Variants in CA14 observed in about 807,000 individuals in gnomAD.
The protein encoded by CA14 is CA-XIV.
CA14 carries 44 observed loss-of-function variants against 48.8 expected under a neutral mutation model. That is an observed-to-expected ratio of 0.90 (90% CI 0.71 to 1.16). CA14 has a LOEUF of 1.16. CA14 is among the 50% of genes most tolerant of loss of function. CA14 has a pLI of 0.00. For synonymous variants in CA14, 154 were observed against 155.0 expected (o/e 0.99, Z 0.05); for missense variants, 386 against 401.0 (o/e 0.96, Z 0.32).
intron 8 of CA14, 112 bp from the exon 9 acceptor site, chr1:150,263,546 AC>A (rs1553848508): frequency 5.6e-6 from 9 of 1,610,000 alleles, no homozygotes; most frequent in East Asian, 2.2e-5. Context: ...CTGGGAACCA[AC>A]CCCCACCCCA....
Position 150,262,828 on chromosome 1 carries a change from T to C in CA14, c.520T>C (p.Tyr174His), listed in dbSNP as rs1415505464. 5 of 1,612,986 alleles carry C rather than the reference T, an allele frequency of 3.1e-6. No homozygotes were observed. Among genetic ancestry groups the C allele is most frequent in the Admixed American group, 3.3e-5 (2 of 60,002 alleles). Residue 174 changes from tyrosine to histidine, a missense_variant, in exon 6 of 11, where the codon TAT (tyrosine) becomes CAT (histidine). Physicochemically the swap from Tyr to His is moderately conservative, Grantham distance 83. Coordinates refer to ENST00000369111, the MANE Select transcript of CA14 (RefSeq NM_012113.3). ...GGTGGGTGAGACTAAGAATATAGCTTATGAACACATTCTGAGTCACTTGCA... is the reference window on the plus strand; with the variant it reads ...GGTGGGTGAGACTAAGAATATAGCTCATGAACACATTCTGAGTCACTTGCA... ...IEVGETKNIA[Y>H]EHILSHLHEV...
chr1:150,258,306 T>C (rs1241777076), intron 1 of CA14, 123 bp downstream of exon 1: 1 of 680,474 alleles, frequency 1.5e-6, no homozygotes, highest in African/African-American at 1.8e-5. Flanking sequence ...GGCTCAGAGA[T>C]GAGGAAAAAA....
At position 150,258,043 on chromosome 1, in the gene CA14, T is replaced by A. The variant is rs1650689933; in HGVS notation, c.-86T>A. 2.2e-5 allele frequency: 21 copies of A among 958,536 alleles called. No individual in the cohort carries two copies. Among genetic ancestry groups the A allele is most frequent in the Middle Eastern group, 3.3e-4 (1 of 3,014 alleles). 59.4% of individuals were successfully genotyped at this position (958,536 alleles called of 1,614,324 possible). A position where few individuals can be genotyped will look rare whatever the true frequency, so the allele number is the denominator to read the frequency against. The stretch of plus-strand genomic sequence containing the variant: ...AGCTCGCTCGCTCTCTCTCTCTCTC[T>A]CTCACTCCTCCCTCCCTCTCTCTCT... On this transcript the variant is annotated 5_prime_UTR_variant, in exon 1 of 11. Coordinates refer to ENST00000369111, the MANE Select transcript of CA14 (RefSeq NM_012113.3).
chr1:150,258,043 TC>T lies in CA14; in HGVS notation c.-85del. On this transcript the variant is annotated 5_prime_UTR_variant, in exon 1 of 11. Coordinates refer to ENST00000369111, the MANE Select transcript of CA14 (RefSeq NM_012113.3). ...AGCTCGCTCGCTCTCTCTCTCTCTC[TC>T]TCACTCCTCCCTCCCTCTCTCTCTG... 9.4e-6 allele frequency: 9 copies of T among 958,650 alleles called. No homozygotes were observed. 59.4% of individuals were successfully genotyped at this position (958,650 alleles called of 1,614,324 possible). A position where few individuals can be genotyped will look rare whatever the true frequency, so the allele number is the denominator to read the frequency against.
rs1553849043 is a variant in CA14 at position 150,264,665 on chromosome 1, T to G, written c.*6T>G. On this transcript the variant is annotated 3_prime_UTR_variant, in exon 11 of 11. Coordinates refer to ENST00000369111, the MANE Select transcript of CA14 (RefSeq NM_012113.3). ...AAGCCACGACTGAGGCATAAATTCC[T>G]TCTCAGATACCATGGATGTGGATGA... is the stretch of plus-strand genomic sequence containing the variant. 6.2e-7 allele frequency: 1 copy of G among 1,610,624 alleles called. No individual in the cohort carries two copies. The highest frequency in any genetic ancestry group is 8.5e-7 in the Non-Finnish European group (1 of 1,177,730).
In CA14 at chr1:150,261,651, G is replaced by A. The variant is rs1553847887; in HGVS notation, c.256+13G>A. ...AATGGCCACACAGGTAAAAGCACAG[G>A]CTCCAAGGAGTTGTAGGCTCCAGCT... On this transcript the variant is annotated intron_variant, in intron 3 of 10. Transcript: ENST00000369111. 25 of 1,611,794 alleles carry A rather than the reference G, an allele frequency of 1.6e-5. No homozygotes were observed. Among genetic ancestry groups the A allele is most frequent in the Non-Finnish European group, 1.9e-5 (22 of 1,178,640 alleles).
intron 2 of CA14, 172 bp downstream of exon 2, chr1:150,260,343 T>C: frequency 1.4e-6 from 1 of 721,052 alleles, no homozygotes; most frequent in Non-Finnish European, 2.5e-6. Flanking sequence ...TAGATCCTGC[T>C]CTAATCATCA....
intron 8 of CA14, 63 bp from the exon 9 acceptor site, chr1:150,263,596 G>C: frequency 6.2e-7 from 1 of 1,612,216 alleles, no homozygotes; most frequent in Non-Finnish European, 8.5e-7. Flanking sequence ...CAGCAGCAGA[G>C]AGTGCTGCTC....
intron 10 of CA14, among the ~76,000 whole-genome samples, chr1:150,264,339 A>T (rs1651451111): frequency 6.6e-6 from 1 of 151,974 alleles, no homozygotes; most frequent in Admixed American, 6.6e-5. Flanking sequence ...AGTAGGTGGG[A>T]CTACAGGCAT....
At position 150,262,617 on chromosome 1, in the gene CA14, T is replaced by A. The variant is rs1553848154; in HGVS notation, c.492T>A (p.Ile164=). 3 of 1,611,110 alleles carry A rather than the reference T, an allele frequency of 1.9e-6. No individual in the cohort carries two copies. In the African/African-American group the frequency reaches 4.0e-5, roughly 21 times the overall value. Residue 164 remains isoleucine, a synonymous_variant, in exon 5 of 11, where the codon ATT becomes ATA. Coordinates refer to ENST00000369111, the MANE Select transcript of CA14 (RefSeq NM_012113.3). ...PQGLAVLGIL[I]EVGETKNIAY... is the part of the protein sequence containing the mutation. ...GCCTGGCTGTCCTGGGCATCCTAAT[T>A]GAGGTCAGTAGCCCCCAGTCCCTTC...
chr1:150,263,912 C>CTTTTT lies in CA14; in HGVS notation c.947+36_947+37insTTTTT, dbSNP rs201259406. 1.7e-5 allele frequency: 17 copies of CTTTTT among 998,010 alleles called. No homozygotes were observed. In the African/African-American group the frequency reaches 2.8e-4, roughly 16 times the overall value. The allele number at this position is 998,010 out of a possible 1,614,324, so 61.8% of individuals were successfully genotyped here. The stretch of plus-strand genomic sequence containing the variant: ...CTACTTTCCATTCCTCCAGTCCCTT[C>CTTTTT]TTCTTTTTTTTTTTTTTTTTGGTAG... On this transcript the variant is annotated intron_variant, in intron 10 of 10. Transcript: ENST00000369111.
rs1275487091 is a variant in CA14, at chr1:150,258,065, C to T, written c.-64C>T. ...CTCTCTCACTCCTCCCTCCCTCTCT[C>T]TCTGCCTGTCCTAGTCCTCTAGTCC... On this transcript the variant is annotated 5_prime_UTR_variant, in exon 1 of 11. Transcript: ENST00000369111. 1 of 1,312,970 alleles carries T rather than the reference C, an allele frequency of 7.6e-7. No homozygotes were observed. The highest frequency in any genetic ancestry group is 1.1e-6 in the Non-Finnish European group (1 of 933,970). 81.3% of individuals were successfully genotyped at this position (1,312,970 alleles called of 1,614,324 possible). A position where few individuals can be genotyped will look rare whatever the true frequency, so the allele number is the denominator to read the frequency against.
intron 3 of CA14, 110 bp from the exon 4 acceptor site, chr1:150,262,048 T>C: frequency 7.8e-7 from 1 of 1,283,466 alleles, no homozygotes; most frequent in South Asian, 1.3e-5. Context: ...TGGGTGCTAC[T>C]GGGGGAGAAA....
chr1:150,263,969 T>C, intron 10 of CA14, 91 bp downstream of exon 10: 4 of 918,586 alleles, frequency 4.4e-6, no homozygotes, highest in Non-Finnish European at 5.0e-6. Context: ...TGTTACTCAG[T>C]CTGGAGTGCA....
At chr1:150,260,666 G>C (rs895316825) in intron 2 of CA14, 1 of 209,158 alleles carries the variant, frequency 4.8e-6, no homozygotes, top group Non-Finnish European at 9.8e-6. Context: ...GTCAGTGTGA[G>C]AGCAAGAAGT....
chr1:150,263,136 C>T lies in CA14; in HGVS notation c.657C>T (p.Pro219=). Reference sequence around the variant, plus strand: ...GCTACAATGGCTCGCTCACAACTCCCCCTTGCTACCAGAGTGTGCTCTGGA... The same window carrying T: ...GCTACAATGGCTCGCTCACAACTCCTCCTTGCTACCAGAGTGTGCTCTGGA... ...YFRYNGSLTT[P]PCYQSVLWTV... is the part of the protein sequence containing the mutation. The change falls in exon 7 of 11, where the codon CCC becomes CCT. Residue 219 remains proline, a synonymous_variant. Transcript: ENST00000369111. 1.9e-6 allele frequency: 3 copies of T among 1,614,126 alleles called. No homozygotes were observed. Among genetic ancestry groups the T allele is most frequent in the Non-Finnish European group, 2.5e-6 (3 of 1,180,032 alleles).
chr1:150,264,657 T>C lies in CA14; in HGVS notation c.1012T>C (p.Ter338GlnextTer32). The C allele has an allele frequency of 6.2e-7, 1 of 1,611,742 alleles. No individual in the cohort carries two copies. Among genetic ancestry groups the C allele is most frequent in the South Asian group, 1.1e-5 (1 of 90,870 alleles). ...CTCAGCACAAGCCACGACTGAGGCATAAATTCCTTCTCAGATACCATGGAT... is the reference window on the plus strand; with the variant it reads ...CTCAGCACAAGCCACGACTGAGGCACAAATTCCTTCTCAGATACCATGGAT... ...FTSAQATTEA[*>Q] Residue 338 changes from the stop codon to glutamine (Q), a stop_lost, in exon 11 of 11, where the codon TAA (stop) becomes CAA (glutamine). Coordinates refer to ENST00000369111, the MANE Select transcript of CA14 (RefSeq NM_012113.3).
chr1:150,264,574 G>A lies in CA14; in HGVS notation c.948-19G>A, dbSNP rs1651489627. 7 of 1,463,898 alleles carry A rather than the reference G, an allele frequency of 4.8e-6. No individual in the cohort carries two copies. Among genetic ancestry groups the A allele is most frequent in the Non-Finnish European group, 6.7e-6 (7 of 1,043,752 alleles). 90.7% of individuals were successfully genotyped at this position (1,463,898 alleles called of 1,614,324 possible). A position where few individuals can be genotyped will look rare whatever the true frequency, so the allele number is the denominator to read the frequency against. Reference sequence around the variant, plus strand: ...TCACTTAGATAGCAGTCATTCTCATGAGCCATTCCCCTTTCCAGGAAGAAG... The same window carrying A: ...TCACTTAGATAGCAGTCATTCTCATAAGCCATTCCCCTTTCCAGGAAGAAG... On this transcript the variant is annotated intron_variant, in intron 10 of 10. Transcript: ENST00000369111.
In CA14 at chr1:150,264,762, T is replaced by G; in HGVS notation, c.*103T>G. 1.3e-6 allele frequency: 1 copy of G among 768,426 alleles called. No homozygotes were observed. The highest frequency in any genetic ancestry group is 2.8e-4 in the Middle Eastern group (1 of 3,612). 47.6% of individuals were successfully genotyped at this position (768,426 alleles called of 1,614,324 possible). A position where few individuals can be genotyped will look rare whatever the true frequency, so the allele number is the denominator to read the frequency against. ...CTGGCCAGAAACACTGTAGGAGTAG[T>G]AAGCAGATGTCCTCCTTCCCCTGGA... On this transcript the variant is annotated 3_prime_UTR_variant, in exon 11 of 11. Coordinates refer to ENST00000369111, the MANE Select transcript of CA14 (RefSeq NM_012113.3).
Sources: gnomAD v4.1 joint callset for allele counts (sites outside exome capture counted in the v4.1 genomes callset) on GRCh38, gnomAD v4.1.1 for gene constraint, MANE v1.5 for transcripts, NCBI Gene and HGNC (gene_info 2026-07-23, HGNC 2026-07-21) for gene names.